The following IDNK variants were observed in gnomAD, a reference collection of about 807,000 sequenced individuals.
The protein encoded by IDNK is IDNK gluconokinase.
A neutral mutation model predicts 13.0 loss-of-function variants in IDNK; 9 were observed. The ratio of observed to expected loss-of-function variants is 0.69; its 90% CI spans 0.42 to 1.21. The LOEUF (loss-of-function observed/expected upper bound fraction) is 1.21. Among genes scored for constraint, IDNK ranks in the 50% most tolerant of loss-of-function variants. IDNK has a pLI of 0.00. For synonymous variants in IDNK, 92 were observed against 94.9 expected (o/e 0.97, Z 0.18); for missense variants, 210 against 237.8 (o/e 0.88, Z 0.77).
rs754008718 is a variant in IDNK at position 83,643,381 on chromosome 9, T to C, written c.213-48T>C. ...TAGAATTGACAGAGGTTACTTTAAA[T>C]GTCCTCCTTCTTTAGCCTCCCTCTT... On this transcript the variant is annotated intron_variant, in intron 4 of 4. Transcript: ENST00000376419. 33 of 1,454,254 alleles carry C rather than the reference T, an allele frequency of 2.3e-5. 1 individual carries two copies. In the South Asian group the frequency reaches 4.4e-4, roughly 20 times the overall value. The allele number at this position is 1,454,254 out of a possible 1,614,324, so 90.1% of individuals were successfully genotyped here.
At chr9:83,641,515 T>C (rs756211297) in intron 3 of IDNK, 33 bp from the exon 4 acceptor site, 68 of 1,612,012 alleles carry the variant, frequency 4.2e-5, no homozygotes, top group Non-Finnish European at 5.3e-5. Context: ...AGAAGTCACG[T>C]TGTGTCTGGG....
intron 3 of IDNK, among the ~76,000 whole-genome samples, chr9:83,639,189 A>T (rs1026061916): frequency 2.6e-5 from 4 of 152,212 alleles, no homozygotes; most frequent in South Asian, 4.1e-4. Flanking sequence ...CAAATTTTTT[A>T]AAAAATTAAC....
At position 83,643,244 on chromosome 9, in the gene IDNK, T is replaced by C. The variant is rs1028044242; in HGVS notation, c.213-185T>C. On this transcript the variant is annotated intron_variant, in intron 4 of 4. Transcript: ENST00000376419. ...GAGAGGTAAATGCCTTGGCCCAAGATTGTTCACTTTACTAGCAGAAGATAT... is the reference window on the plus strand; with the variant it reads ...GAGAGGTAAATGCCTTGGCCCAAGACTGTTCACTTTACTAGCAGAAGATAT... 3.3e-5 allele frequency among the ~76,000 whole-genome samples: 5 copies of C among 152,130 alleles called. No individual in the cohort carries two copies. In the South Asian group the frequency reaches 6.2e-4, roughly 19 times the overall value.
chr9:83,636,561 C>T lies in IDNK; in HGVS notation c.169-4987C>T, dbSNP rs546092525. Among the ~76,000 whole-genome samples the T allele has an allele frequency of 2.0e-5, 3 of 152,224 alleles. No individual in the cohort carries two copies. In the South Asian group the frequency reaches 6.2e-4, roughly 32 times the overall value. On this transcript the variant is annotated intron_variant, in intron 3 of 4. Coordinates refer to ENST00000376419, the MANE Select transcript of IDNK (RefSeq NM_001001551.4). ...TTTTTTAGTAGGATGTCCTAGAAAA[C>T]CTTGCCAATAATAAGCATTAAATAT...
intron 3 of IDNK, among the ~76,000 whole-genome samples, chr9:83,629,383 T>A (rs1830950118): frequency 6.6e-6 from 1 of 152,180 alleles, no homozygotes; most frequent in Admixed American, 6.5e-5. Context: ...CCATGTTTCT[T>A]CTGCCTGTGA....
chr9:83,626,396 C>G, intron 1 of IDNK: 1 of 304,752 alleles, frequency 3.3e-6, no homozygotes, highest in South Asian at 2.5e-5. Context: ...TCATTCATGG[C>G]TAATCTAACT....
At chr9:83,629,031 C>G (rs1830940558) in intron 3 of IDNK, 72 bp downstream of exon 3, 3 of 1,224,860 alleles carry the variant, frequency 2.4e-6, no homozygotes, top group Non-Finnish European at 2.4e-6. Context: ...ACAGCACTTG[C>G]TGTAGTAGAG....
At chr9:83,643,289 G>T in intron 4 of IDNK, 140 bp from the exon 5 acceptor site, 1 of 650,806 alleles carries the variant, frequency 1.5e-6, no homozygotes, top group Non-Finnish European at 2.6e-6. Flanking sequence ...TGCTAGGACT[G>T]CCTGATGCTT....
Position 83,643,624 on chromosome 9 carries a change from CA to C in IDNK, c.412del (p.Arg138GlufsTer30). Reference sequence around the variant, plus strand: ...TTGAGGTCATCTCTGGACGCTTACTCAAAAGAGAGGGACATTTTATGCCCCC... The same window carrying C: ...TTGAGGTCATCTCTGGACGCTTACTCAAAGAGAGGGACATTTTATGCCCCC... ...SFEVISGRLL[K>X]REGHFMPPEL... On this transcript the variant is annotated frameshift_variant, in exon 5 of 5. Coordinates refer to ENST00000376419, the MANE Select transcript of IDNK (RefSeq NM_001001551.4). LOFTEE classifies it high-confidence loss of function. 2 of 1,613,974 alleles carry C rather than the reference CA, an allele frequency of 1.2e-6. No homozygotes were observed.
intron 3 of IDNK, 113 bp downstream of exon 3, chr9:83,629,072 C>A: frequency 1.2e-6 from 1 of 809,434 alleles, no homozygotes; most frequent in Non-Finnish European, 2.1e-6. Context: ...TGTACAGGGG[C>A]TACAAAGAGC....
chr9:83,632,568 A>G (rs1299138288), intron 3 of IDNK, among the ~76,000 whole-genome samples: 1 of 150,984 alleles, frequency 6.6e-6, no homozygotes, highest in East Asian at 1.9e-4. Context: ...AAAAAAAAAA[A>G]AAAAAAAAAA....
chr9:83,641,424 C>T (rs1044960028), intron 3 of IDNK, 124 bp from the exon 4 acceptor site: 6 of 1,051,366 alleles, frequency 5.7e-6, no homozygotes, highest in African/African-American at 1.6e-5. Context: ...ATGGCCCACT[C>T]CTCACACCAC....
In IDNK at chr9:83,626,788, G is replaced by A. The variant is rs150595266; in HGVS notation, c.51-1393G>A. The A allele has an allele frequency of 6.0e-6, 7 of 1,169,380 alleles. No individual in the cohort carries two copies. The East Asian group carries it at 4.4e-4, about 74-fold the overall frequency. The allele number at this position is 1,169,380 out of a possible 1,614,324, so 72.4% of individuals were successfully genotyped here. A position where few individuals can be genotyped will look rare whatever the true frequency, so the allele number is the denominator to read the frequency against. On this transcript the variant is annotated intron_variant, in intron 1 of 4. Transcript: ENST00000376419. ...CCAGCCATGGAGTTTGGCCGGGATG[G>A]TCTACTCATCCGTAGGCTGCATGTC...
Position 83,643,785 on chromosome 9 carries a change from G to C in IDNK, c.*5G>C. On this transcript the variant is annotated 3_prime_UTR_variant, in exon 5 of 5. Coordinates refer to ENST00000376419, the MANE Select transcript of IDNK (RefSeq NM_001001551.4). ...GAAACCCTAAAAATGAAATGACAAT[G>C]ATTTTGTATCAGTGGTCCAAACAGA... The C allele has an allele frequency of 6.3e-7, 1 of 1,588,376 alleles. No individual in the cohort carries two copies. The highest frequency in any genetic ancestry group is 1.8e-4 in the Middle Eastern group (1 of 5,658).
At chr9:83,634,101 C>CTT (rs1436367276) in intron 3 of IDNK, among the ~76,000 whole-genome samples, 1 of 152,192 alleles carries the variant, frequency 6.6e-6, no homozygotes, top group African/African-American at 2.4e-5. Flanking sequence ...TGGAAAAAAC[C>CTT]TTTCTCCTTG....
intron 3 of IDNK, among the ~76,000 whole-genome samples, chr9:83,639,095 A>AT (rs2131633979): frequency 6.6e-6 from 1 of 152,298 alleles, no homozygotes; most frequent in East Asian, 1.9e-4. Flanking sequence ...TACCACTCAC[A>AT]TTTTTTACTA....
intron 1 of IDNK, 103 bp downstream of exon 1, chr9:83,623,324 C>T (rs537287042): frequency 1.0e-5 from 11 of 1,073,322 alleles, no homozygotes; most frequent in Non-Finnish European, 1.4e-5. Context: ...TCTTGGGGAC[C>T]CCCCACCCTT....
chr9:83,643,501 A>G lies in IDNK; in HGVS notation c.285A>G (p.Thr95=). The G allele has an allele frequency of 3.1e-6, 5 of 1,613,890 alleles. No homozygotes were observed. The highest frequency in any genetic ancestry group is 4.2e-6 in the Non-Finnish European group (5 of 1,179,952). ...AGAAAACGTACAGAGACATATTAAC[A>G]CAAGGAAAAGATGGTGTAGCTCTGA... ...ALKKTYRDIL[T]QGKDGVALKC... Residue 95 remains threonine, a synonymous_variant, in exon 5 of 5, where the codon ACA becomes ACG. Coordinates refer to ENST00000376419, the MANE Select transcript of IDNK (RefSeq NM_001001551.4).
chr9:83,632,349 A>T (rs759448963), intron 3 of IDNK, among the ~76,000 whole-genome samples: 1 of 152,000 alleles, frequency 6.6e-6, no homozygotes, highest in South Asian at 2.1e-4. Flanking sequence ...GCCTCATGAC[A>T]TTCTGATTTC....
Sources: allele counts gnomAD v4.1 joint callset (sites outside exome capture counted in the v4.1 genomes callset), GRCh38; gene constraint gnomAD v4.1.1; transcripts MANE v1.5; gene names NCBI Gene and HGNC (gene_info 2026-07-23, HGNC 2026-07-21).